Variants in ZBTB46 observed in about 807,000 individuals in gnomAD.
ZBTB46 encodes zinc finger and BTB domain-containing protein 46.
Under a neutral mutation model 44.1 loss-of-function variants are expected in ZBTB46, and 8 were observed. That is an observed-to-expected ratio of 0.18 (90% CI 0.11 to 0.33). ZBTB46 has a LOEUF of 0.33. Ranked by LOEUF, ZBTB46 falls within the 10% of genes least tolerant of loss-of-function variation. The pLI, the probability that ZBTB46 is intolerant of heterozygous loss-of-function variation, is 1.00. For synonymous variants in ZBTB46, 409 were observed against 382.3 expected, an observed-to-expected ratio of 1.07 and a Z score of -0.81; for missense variants, 651 against 847.7, an observed-to-expected ratio of 0.77 and a Z score of 2.88.
upstream of ZBTB46, among the ~76,000 whole-genome samples, chr20:63,833,810 G>A (rs970698018): frequency 6.6e-6 from 1 of 152,160 alleles, no homozygotes; most frequent in African/African-American, 2.4e-5. Flanking sequence ...AACCAAGACC[G>A]GTCTCAGAGA....
At chr20:63,817,576 C>T (rs747772895) in intron 1 of ZBTB46, among the ~76,000 whole-genome samples, 3 of 149,884 alleles carry the variant, frequency 2.0e-5, no homozygotes, top group East Asian at 4.0e-4. Context: ...ATTAGTCAGG[C>T]GTGGTGGCAC....
intron 3 of ZBTB46, among the ~76,000 whole-genome samples, chr20:63,755,149 G>A (rs1230944819): frequency 6.6e-6 from 1 of 152,230 alleles, no homozygotes; most frequent in East Asian, 1.9e-4. Flanking sequence ...CGCAGCTGCG[G>A]ACGGTCCCCT....
chr20:63,758,414 C>G (rs2145790818), intron 3 of ZBTB46, among the ~76,000 whole-genome samples: 1 of 152,160 alleles, frequency 6.6e-6, no homozygotes, highest in Admixed American at 6.5e-5. Flanking sequence ...GCATTTCCCC[C>G]TCTCCCTCTG....
intron 1 of ZBTB46, among the ~76,000 whole-genome samples, chr20:63,829,491 C>G (rs2092836694): frequency 6.6e-6 from 1 of 152,230 alleles, no homozygotes; most frequent in Non-Finnish European, 1.5e-5. Flanking sequence ...ACAGTAACTC[C>G]CCAGCCCTCT....
rs931381520 is a variant in ZBTB46, at chr20:63,828,799, G to A, written c.-34+2298C>T. Among the ~76,000 whole-genome samples the A allele has an allele frequency of 3.3e-5, 5 of 152,224 alleles. No individual in the cohort carries two copies. The East Asian group carries it at 9.6e-4, about 29-fold the overall frequency. Reference sequence around the variant, plus strand: ...ACCAGTCACGGCAGTGGGAGGAACCGGCTCCAGTTCTCAGGCTGTGGAGCC... The same window carrying A: ...ACCAGTCACGGCAGTGGGAGGAACCAGCTCCAGTTCTCAGGCTGTGGAGCC... On this transcript the variant is annotated intron_variant, in intron 1 of 4. Transcript: ENST00000245663.
chr20:63,757,140 G>A (rs1303475828), intron 3 of ZBTB46, among the ~76,000 whole-genome samples: 1 of 152,086 alleles, frequency 6.6e-6, no homozygotes, highest in Non-Finnish European at 1.5e-5. Flanking sequence ...TTTTTGGGGA[G>A]GGGAACAGAA....
intron 2 of ZBTB46, among the ~76,000 whole-genome samples, chr20:63,781,136 G>A (rs1357573971): frequency 1.2e-4 from 10 of 80,762 alleles, no homozygotes; most frequent in African/African-American, 5.2e-4. Flanking sequence ...GCAAGACTCT[G>A]CCTCAAAAAA....
intron 2 of ZBTB46, among the ~76,000 whole-genome samples, chr20:63,783,854 C>T (rs2092490604): frequency 6.6e-6 from 1 of 152,200 alleles, no homozygotes; most frequent in Admixed American, 6.5e-5. Context: ...AAATTTTCTT[C>T]AACAGAACAA....
At chr20:63,824,631 GTTC>G (rs1312505385) in intron 1 of ZBTB46, among the ~76,000 whole-genome samples, 1 of 96,158 alleles carries the variant, frequency 1.0e-5, no homozygotes, top group Non-Finnish European at 2.1e-5. Context: ...CCCCACCCCC[GTTC>G]TTCTGGGTGC....
intron 3 of ZBTB46, among the ~76,000 whole-genome samples, chr20:63,768,545 T>A (rs1329172070): frequency 6.6e-6 from 1 of 151,954 alleles, no homozygotes; most frequent in Admixed American, 6.6e-5. Flanking sequence ...AGGTGGAGGT[T>A]GCAGTGAGCT....
intron 3 of ZBTB46, among the ~76,000 whole-genome samples, chr20:63,772,396 C>T (rs1017932499): frequency 6.6e-6 from 1 of 152,188 alleles, no homozygotes; most frequent in Non-Finnish European, 1.5e-5. Flanking sequence ...CCAACTTCAC[C>T]TGGAATTAGT....
At position 63,746,906 on chromosome 20, in the gene ZBTB46, C is replaced by T; in HGVS notation, c.*24G>A. 1 of 1,503,350 alleles carries T rather than the reference C, an allele frequency of 6.7e-7. No homozygotes were observed. The highest frequency in any genetic ancestry group is 8.9e-7 in the Non-Finnish European group (1 of 1,127,350). The allele number at this position is 1,503,350 out of a possible 1,614,324, so 93.1% of individuals were successfully genotyped here. On this transcript the variant is annotated 3_prime_UTR_variant, in exon 5 of 5. Coordinates refer to ENST00000245663, the MANE Select transcript of ZBTB46 (RefSeq NM_001369741.1). ...ACACGGGTGGACGGAGCGAGGCAGCCACCGACCCTGCCGGCGGGCGGGCCT... is the reference window on the plus strand; with the variant it reads ...ACACGGGTGGACGGAGCGAGGCAGCTACCGACCCTGCCGGCGGGCGGGCCT...
At position 63,746,733 on chromosome 20, in the gene ZBTB46, G is replaced by T; in HGVS notation, c.*197C>A. On this transcript the variant is annotated 3_prime_UTR_variant, in exon 5 of 5. Transcript: ENST00000245663. ...CCTCCCCCAACTCACTTCATGTCTG[G>T]TCCCAGAGCACCCCTCTTGCTGGGG... is the stretch of plus-strand genomic sequence containing the variant. 1 of 821,596 alleles carries T rather than the reference G, an allele frequency of 1.2e-6. No homozygotes were observed. The highest frequency in any genetic ancestry group is 1.8e-6 in the Non-Finnish European group (1 of 567,142). The allele number at this position is 821,596 out of a possible 1,614,324, so 50.9% of individuals were successfully genotyped here.
rs770537177 is a variant in ZBTB46, at chr20:63,767,964, C to T, written c.1222+7714G>A. On this transcript the variant is annotated intron_variant, in intron 3 of 4. Coordinates refer to ENST00000245663, the MANE Select transcript of ZBTB46 (RefSeq NM_001369741.1). The surrounding 1 kb of genome is among the most constrained non-coding windows in gnomAD (Gnocchi z 5.0). ...GAGGACTGCTCCGCCCAGCTCTCCA[C>T]GCCATGAGAGGTGTCGATCTGGAAC... 5.2e-5 allele frequency: 51 copies of T among 985,352 alleles called. No individual in the cohort carries two copies. The highest frequency in any genetic ancestry group is 5.2e-4 in the Middle Eastern group (1 of 1,936). The allele number at this position is 985,352 out of a possible 1,614,324, so 61.0% of individuals were successfully genotyped here. A position where few individuals can be genotyped will look rare whatever the true frequency, so the allele number is the denominator to read the frequency against.
chr20:63,809,000 GAAAAAGAAAAAAA>G (rs1465146840), intron 1 of ZBTB46, among the ~76,000 whole-genome samples: 6 of 113,842 alleles, frequency 5.3e-5, no homozygotes, highest in Non-Finnish European at 1.1e-4. Context: ...AAAAAAAAAA[GAAAAAGAAAAAAA>G]AAAAAGAAAG....
At chr20:63,774,701 T>TGG (rs1568853025) in intron 3 of ZBTB46, among the ~76,000 whole-genome samples, 40 of 143,694 alleles carry the variant, frequency 2.8e-4, no homozygotes, top group East Asian at 4.1e-4. Context: ...TTTTTTTGTT[T>TGG]TTTTTTTTGT....
intron 3 of ZBTB46, among the ~76,000 whole-genome samples, chr20:63,771,590 C>T (rs1411951001): frequency 1.3e-5 from 2 of 151,810 alleles, no homozygotes; most frequent in Admixed American, 6.6e-5. Context: ...GCTCCTCCAC[C>T]GCGGCAGCCC....
intron 2 of ZBTB46, among the ~76,000 whole-genome samples, chr20:63,777,279 G>C (rs1267784836): frequency 6.6e-6 from 1 of 152,154 alleles, no homozygotes; most frequent in Non-Finnish European, 1.5e-5. Flanking sequence ...AGACCAGCCT[G>C]GGCAACACAG....
chr20:63,797,162 C>G (rs1489239732), intron 1 of ZBTB46, among the ~76,000 whole-genome samples: 1 of 119,496 alleles, frequency 8.4e-6, no homozygotes. Flanking sequence ...CCCCCCTCCC[C>G]CCACCCCACA....
Sources: allele counts gnomAD v4.1 joint callset (sites outside exome capture counted in the v4.1 genomes callset), GRCh38; gene constraint gnomAD v4.1.1; non-coding constraint Gnocchi (gnomAD v3.1); transcripts MANE v1.5; gene names NCBI Gene and HGNC (gene_info 2026-07-23, HGNC 2026-07-21).